Variants in PIEZO1 observed in about 807,000 individuals in gnomAD.
PIEZO1 encodes piezo type mechanosensitive ion channel component 1 (Er blood group).
Under a neutral mutation model 297.2 loss-of-function variants are expected in PIEZO1, and 296 were observed. That is an observed-to-expected ratio of 1.00 (90% CI 0.91 to 1.10). PIEZO1 has a LOEUF of 1.10. PIEZO1 is among the 50% of genes least tolerant of loss of function. PIEZO1 has a pLI of 0.00. For synonymous variants in PIEZO1, 2,427 were observed against 1,507.5 expected (o/e 1.61, Z -14.13); for missense variants, 5,018 against 3,455.5 (o/e 1.45, Z -11.34).
intron 1 of PIEZO1, among the ~76,000 whole-genome samples, chr16:88,775,254 C>T (rs916229865): frequency 1.3e-5 from 2 of 152,236 alleles, no homozygotes; most frequent in Non-Finnish European, 2.9e-5. Context: ...GGCGCCCACA[C>T]AGGACACAGA....
intron 1 of PIEZO1, among the ~76,000 whole-genome samples, chr16:88,766,843 A>C (rs1294924782): frequency 6.6e-6 from 1 of 152,192 alleles, no homozygotes. Flanking sequence ...ACCTCAGGCC[A>C]CGAGGGCCGG....
In PIEZO1 at chr16:88,732,277, G is replaced by C. The variant is rs574824426; in HGVS notation, c.2991+58C>G. The C allele has an allele frequency of 1.4e-4, 196 of 1,435,180 alleles. 1 individual carries two copies. In the African/African-American group the frequency reaches 2.4e-3, roughly 17 times the overall value. 88.9% of individuals were successfully genotyped at this position (1,435,180 alleles called of 1,614,324 possible). ...CTTGCGGTGCCTGCACGGTGCAGCC[G>C]TCCCTCCCTCCCGAAGGCCAAGCCC... On this transcript the variant is annotated intron_variant, in intron 21 of 50. Coordinates refer to ENST00000301015, the MANE Select transcript of PIEZO1 (RefSeq NM_001142864.4).
chr16:88,776,003 G>A (rs1276209497), intron 1 of PIEZO1, among the ~76,000 whole-genome samples: 4 of 152,222 alleles, frequency 2.6e-5, no homozygotes, highest in Non-Finnish European at 5.9e-5. Flanking sequence ...GCTCCAGCAT[G>A]CGCAGCACAG....
chr16:88,725,336 GGGCACAGACGCAGCACACGCCAGCA>G (rs916566884), intron 29 of PIEZO1, 55 bp downstream of exon 29: 139 of 911,880 alleles, frequency 1.5e-4, no homozygotes, highest in African/African-American at 4.2e-4. Context: ...GACGTCACAT[GGGCACAGACGCAGCACACGCCAGCA>G]GGCACAGACA....
At chr16:88,735,347 AGGC>A (rs1449856057) in intron 12 of PIEZO1, 101 bp from the exon 13 acceptor site, 16 of 830,562 alleles carry the variant, frequency 1.9e-5, no homozygotes, top group Non-Finnish European at 2.8e-5. Flanking sequence ...AAGAGCTCTC[AGGC>A]GGCTGGCACC....
Position 88,726,660 on chromosome 16 carries a change from T to G in PIEZO1, c.3700-17A>C. On this transcript the variant is annotated splice_polypyrimidine_tract_variant and intron_variant, in intron 25 of 50. Coordinates refer to ENST00000301015, the MANE Select transcript of PIEZO1 (RefSeq NM_001142864.4). ...GGCCAGGAGCTGGGGGAGAGCAGGG[T>G]CAGCGGGGCCAGCGGGGCCCCAGGG... 6.8e-7 allele frequency: 1 copy of G among 1,471,068 alleles called. No homozygotes were observed. Among genetic ancestry groups the G allele is most frequent in the Non-Finnish European group, 9.1e-7 (1 of 1,098,830 alleles). 91.1% of individuals were successfully genotyped at this position (1,471,068 alleles called of 1,614,324 possible). A position where few individuals can be genotyped will look rare whatever the true frequency, so the allele number is the denominator to read the frequency against.
chr16:88,732,879 C>T (rs974686368), intron 19 of PIEZO1, 147 bp from the exon 20 acceptor site: 5 of 780,196 alleles, frequency 6.4e-6, no homozygotes, highest in Admixed American at 5.9e-5. Flanking sequence ...GCCACCTTCA[C>T]GGGGAAGGGG....
chr16:88,733,233 A>T lies in PIEZO1; in HGVS notation c.2664+45T>A, dbSNP rs1904988018. Reference sequence around the variant, plus strand: ...CAGGAGGGTCGGGCTGCGAATACAGAGTTGCCTGGAGCTTCCTCCCGTCCC... The same window carrying T: ...CAGGAGGGTCGGGCTGCGAATACAGTGTTGCCTGGAGCTTCCTCCCGTCCC... On this transcript the variant is annotated intron_variant, in intron 19 of 50. Transcript: ENST00000301015. 6.0e-6 allele frequency: 9 copies of T among 1,510,172 alleles called. No individual in the cohort carries two copies. The East Asian group carries it at 2.2e-4, about 38-fold the overall frequency. The allele number at this position is 1,510,172 out of a possible 1,614,324, so 93.5% of individuals were successfully genotyped here. A position where few individuals can be genotyped will look rare whatever the true frequency, so the allele number is the denominator to read the frequency against.
rs1905045736 is a variant in PIEZO1, at chr16:88,733,978, C to T, written c.2257G>A (p.Glu753Lys). The T allele has an allele frequency of 2.5e-5, 38 of 1,547,834 alleles. No homozygotes were observed. Among genetic ancestry groups the T allele is most frequent in the Non-Finnish European group, 3.1e-5 (36 of 1,145,182 alleles). Residue 753 changes from glutamate to lysine, a missense_variant, in exon 17 of 51, where the codon GAG (glutamate) becomes AAG (lysine). Coordinates refer to ENST00000301015, the MANE Select transcript of PIEZO1 (RefSeq NM_001142864.4). ...TCGTCCCTGGAGTCCTCCTCCTCCT[C>T]CTCCTCCTCCTGCTGCTGCTGCTGA... ...EHQQQQQEEE[E>K]EEEDSRDEGL...
intron 1 of PIEZO1, among the ~76,000 whole-genome samples, chr16:88,755,639 C>T (rs571825785): frequency 3.3e-5 from 5 of 152,340 alleles, no homozygotes; most frequent in Non-Finnish European, 5.9e-5. Context: ...TTTTATTTCC[C>T]GGCTCCTTCA....
chr16:88,743,647 A>T (rs1191876374), intron 2 of PIEZO1: 1 of 456,636 alleles, frequency 2.2e-6, no homozygotes, highest in East Asian at 6.9e-5. Flanking sequence ...TTGGACACTC[A>T]GCCCCCTCTT....
chr16:88,736,821 T>G (rs1597460452), intron 10 of PIEZO1, 82 bp from the exon 11 acceptor site: 2 of 867,646 alleles, frequency 2.3e-6, no homozygotes, highest in Non-Finnish European at 1.7e-6. Context: ...ATCTGGGCCC[T>G]GGGCAAGCAC....
chr16:88,760,773 C>T (rs1020061847), intron 1 of PIEZO1, among the ~76,000 whole-genome samples: 1 of 152,176 alleles, frequency 6.6e-6, no homozygotes, highest in South Asian at 2.1e-4. Flanking sequence ...CCGCCTTCGA[C>T]GCAGCAGGAG....
intron 2 of PIEZO1, among the ~76,000 whole-genome samples, chr16:88,746,737 T>C (rs1398723090): frequency 6.6e-6 from 1 of 152,298 alleles, no homozygotes; most frequent in South Asian, 2.1e-4. Context: ...TCCCGGGTCC[T>C]CTCCAAATCT....
chr16:88,721,958 C>T lies in PIEZO1; in HGVS notation c.5064G>A (p.Glu1688=). The change falls in exon 37 of 51, where the codon GAG becomes GAA. Residue 1688 remains glutamate, a synonymous_variant. Coordinates refer to ENST00000301015, the MANE Select transcript of PIEZO1 (RefSeq NM_001142864.4). Reference sequence around the variant, plus strand: ...GGATGATGATGAAGTAGCAGAGCAGCTCCGAGTGGGCGGCCACACACTGGT... The same window carrying T: ...GGATGATGATGAAGTAGCAGAGCAGTTCCGAGTGGGCGGCCACACACTGGT... ...AVYQCVAAHS[E]LLCYFIIILN... 1 of 1,550,136 alleles carries T rather than the reference C, an allele frequency of 6.5e-7. No homozygotes were observed. Among genetic ancestry groups the T allele is most frequent in the South Asian group, 1.2e-5 (1 of 84,062 alleles).
intron 44 of PIEZO1, chr16:88,717,833 A>G (rs1391085516): frequency 4.5e-6 from 2 of 440,692 alleles, no homozygotes; most frequent in East Asian, 1.4e-4. Context: ...AAAAAACTCT[A>G]ATAAAAAACA....
intron 1 of PIEZO1, among the ~76,000 whole-genome samples, chr16:88,750,392 G>A (rs1288563425): frequency 1.3e-5 from 2 of 152,236 alleles, no homozygotes; most frequent in African/African-American, 2.4e-5. Flanking sequence ...GTGTCTGGGA[G>A]CCCCCGCACA....
At chr16:88,741,292 G>A (rs947102470) in intron 5 of PIEZO1, 186 bp downstream of exon 5, 22 of 584,386 alleles carry the variant, frequency 3.8e-5, no homozygotes, top group Non-Finnish European at 6.3e-5. Context: ...GTAGAAACAG[G>A]TCTGAACGGA....
intron 2 of PIEZO1, among the ~76,000 whole-genome samples, chr16:88,746,141 C>T (rs571621708): frequency 1.3e-5 from 2 of 152,152 alleles, no homozygotes; most frequent in Admixed American, 6.5e-5. Context: ...TGAGGCCCAC[C>T]CAGCGACAGC....
Sources: gnomAD v4.1 joint callset for allele counts (sites outside exome capture counted in the v4.1 genomes callset) on GRCh38, gnomAD v4.1.1 for gene constraint, MANE v1.5 for transcripts, NCBI Gene and HGNC (gene_info 2026-07-23, HGNC 2026-07-21) for gene names.